The following GGA2 variants were observed in gnomAD, a reference collection of about 807,000 sequenced individuals.
The protein encoded by GGA2 is ADP-ribosylation factor-binding protein GGA2.
GGA2 carries 48 observed loss-of-function variants against 79.5 expected under a neutral mutation model. The ratio of observed to expected loss-of-function variants is 0.60; its 90% confidence interval spans 0.48 to 0.77. GGA2 has a LOEUF of 0.77. Ranked by LOEUF, GGA2 falls within the 30% of genes least tolerant of loss-of-function variation. GGA2 has a pLI of 0.00. For missense variants in GGA2, 770 were observed against 774.0 expected, an observed-to-expected ratio of 0.99 and a Z score of 0.06; for synonymous variants, 317 against 302.0, an observed-to-expected ratio of 1.05 and a Z score of -0.51.
At chr16:23,487,670 A>G (rs1197526197) in intron 6 of GGA2, among the ~76,000 whole-genome samples, 1 of 152,170 alleles carries the variant, frequency 6.6e-6, no homozygotes, top group African/African-American at 2.4e-5. Flanking sequence ...CTCAGAAGTC[A>G]CACCATACCT....
rs962282997 is a variant in GGA2, at chr16:23,483,499, CAG to C, written c.799-497_799-496del. Among the ~76,000 whole-genome samples the C allele has an allele frequency of 4.4e-4, 67 of 152,136 alleles. 1 individual carries two copies. The highest frequency in any genetic ancestry group is 3.9e-4 in the Admixed American group (6 of 15,268). ...CGTGGAGGCTGGCTCTCCTCCTGTG[CAG>C]AGAGACATAAAAAACTGGAATGCAG... On this transcript the variant is annotated intron_variant, in intron 8 of 16. Coordinates refer to ENST00000309859, the MANE Select transcript of GGA2 (RefSeq NM_015044.4).
At chr16:23,518,819 C>T (rs1965118108) in intron 2 of GGA2, among the ~76,000 whole-genome samples, 1 of 152,176 alleles carries the variant, frequency 6.6e-6, no homozygotes, top group Non-Finnish European at 1.5e-5. Context: ...GATCTTGACC[C>T]TTACTATGTA....
rs1964424047 is a variant in GGA2 at position 23,465,471 on chromosome 16, C to T, written c.*2119G>A. 1 of 700,810 alleles carries T rather than the reference C, an allele frequency of 1.4e-6. No homozygotes were observed. 43.4% of individuals were successfully genotyped at this position (700,810 alleles called of 1,614,324 possible). ...TAGTACCACTGGGAGTCTGTCTCCT[C>T]AAAAGCAAGAATGTTCAGGTACACA... On this transcript the variant is annotated 3_prime_UTR_variant, in exon 17 of 17. Transcript: ENST00000309859.
intron 1 of GGA2, chr16:23,501,524 A>C: frequency 2.8e-6 from 1 of 353,202 alleles, no homozygotes; most frequent in South Asian, 2.2e-5. Flanking sequence ...TTTTCTATTT[A>C]GTTTTCCTCA....
At chr16:23,483,057 C>T (rs921810368) in intron 8 of GGA2, 53 bp from the exon 9 acceptor site, 1 of 1,163,142 alleles carries the variant, frequency 8.6e-7, no homozygotes, top group Admixed American at 1.7e-5. Flanking sequence ...CCATAACGCC[C>T]CCCTCCAGGG....
At position 23,478,482 on chromosome 16, in the gene GGA2, C is replaced by T. The variant is rs751719704; in HGVS notation, c.1178G>A (p.Cys393Tyr). The T allele has an allele frequency of 6.2e-7, 1 of 1,608,662 alleles. No individual in the cohort carries two copies. Among genetic ancestry groups the T allele is most frequent in the Non-Finnish European group, 8.5e-7 (1 of 1,176,268 alleles). The change falls in exon 13 of 17, where the codon TGT becomes TAT. Residue 393 changes from cysteine (C) to tyrosine (Y), a missense_variant. By Grantham distance (194) the Cys-to-Tyr change is radical. Coordinates refer to ENST00000309859, the MANE Select transcript of GGA2 (RefSeq NM_015044.4). ...GGAGGAGGGATTCCTCTTTTCCTCA[C>T]AGCAATTCTGACCAGAAACCTGTCA... is the stretch of plus-strand genomic sequence containing the variant. ...VTGMVSGQNC[C>Y]EEKRNPSSST...
chr16:23,511,588 C>G (rs1374470037), upstream of GGA2, among the ~76,000 whole-genome samples: 1 of 151,852 alleles, frequency 6.6e-6, no homozygotes, highest in African/African-American at 2.4e-5. Context: ...ACCTCCACCT[C>G]CCTGGTTTCC....
chr16:23,503,999 T>C (rs1299971349), intron 1 of GGA2, among the ~76,000 whole-genome samples: 2 of 151,740 alleles, frequency 1.3e-5, no homozygotes, highest in South Asian at 2.1e-4. Flanking sequence ...GAGAATTGCT[T>C]GAACCCGGGA....
chr16:23,521,318 T>C (rs1965140283), intron 1 of GGA2, among the ~76,000 whole-genome samples: 1 of 152,114 alleles, frequency 6.6e-6, no homozygotes, highest in African/African-American at 2.4e-5. Flanking sequence ...ACCATCTTAT[T>C]TTCTGCCTGT....
At chr16:23,492,982 G>A (rs1964808228) in intron 4 of GGA2, among the ~76,000 whole-genome samples, 2 of 152,196 alleles carry the variant, frequency 1.3e-5, no homozygotes, top group South Asian at 4.1e-4. Context: ...CCTGAGACTG[G>A]CTGAGCTAAG....
intron 14 of GGA2, among the ~76,000 whole-genome samples, chr16:23,472,270 T>C (rs1189906039): frequency 7.2e-6 from 1 of 138,602 alleles, no homozygotes; most frequent in African/African-American, 2.7e-5. Context: ...CTCAGCTCAC[T>C]GCAACCTCCG....
chr16:23,479,647 T>G, intron 11 of GGA2, 118 bp downstream of exon 11: 1 of 1,182,994 alleles, frequency 8.5e-7, no homozygotes. Context: ...AGCTCACTCT[T>G]CCTATTCACA....
rs1567360787 is a variant in GGA2 at position 23,478,456 on chromosome 16, T to C, written c.1204A>G (p.Ser402Gly). The C allele has an allele frequency of 1.2e-6, 2 of 1,611,486 alleles. No homozygotes were observed. Among genetic ancestry groups the C allele is most frequent in the Non-Finnish European group, 1.7e-6 (2 of 1,178,252 alleles). The change falls in exon 13 of 17, where the codon AGC becomes GGC. Residue 402 changes from serine to glycine, a missense_variant. By Grantham distance (56) the Ser-to-Gly change is moderately conservative. Transcript: ENST00000309859. ...CCEEKRNPSS[S>G]TLPGGGVQNP... Reference sequence around the variant, plus strand: ...TGAACACCACCGCCTGGCAGCGTGCTGGAGGAGGGATTCCTCTTTTCCTCA... The same window carrying C: ...TGAACACCACCGCCTGGCAGCGTGCCGGAGGAGGGATTCCTCTTTTCCTCA...
chr16:23,490,602 G>A (rs1964770303), intron 5 of GGA2, among the ~76,000 whole-genome samples: 1 of 152,050 alleles, frequency 6.6e-6, no homozygotes, highest in East Asian at 1.9e-4. Context: ...AGGCATGGTG[G>A]CAGGTGCCTG....
At chr16:23,523,764 T>A (rs1262682387), upstream of GGA2, 2 of 152,360 alleles carry the variant, frequency 1.3e-5, no homozygotes, top group Non-Finnish European at 2.9e-5. Context: ...TTAACTTAAA[T>A]GAGGCTGGTT....
chr16:23,512,891 G>C (rs1242439067), upstream of GGA2, among the ~76,000 whole-genome samples: 3 of 151,790 alleles, frequency 2.0e-5, no homozygotes, highest in Non-Finnish European at 4.4e-5. Context: ...CTTTAGTAGA[G>C]ACAGCGTTTC....
At position 23,495,744 on chromosome 16, in the gene GGA2, A is replaced by G; in HGVS notation, c.126T>C (p.Asp42=). The G allele has an allele frequency of 6.2e-7, 1 of 1,612,858 alleles. No homozygotes were observed. The highest frequency in any genetic ancestry group is 8.5e-7 in the Non-Finnish European group (1 of 1,178,868). The part of the protein sequence containing the change: ...KATDPSMSEQ[D]WSAIQNFCEQ... Reference sequence around the variant, plus strand: ...CACAGAAATTCTGGATAGCTGACCAATCCTGTTCCGACATGCTTGGGTCTG... The same window carrying G: ...CACAGAAATTCTGGATAGCTGACCAGTCCTGTTCCGACATGCTTGGGTCTG... The change falls in exon 2 of 17, where the codon GAT becomes GAC. Residue 42 remains aspartate, a synonymous_variant. Coordinates refer to ENST00000309859, the MANE Select transcript of GGA2 (RefSeq NM_015044.4).
At chr16:23,521,186 C>T (rs1385450125) in intron 1 of GGA2, among the ~76,000 whole-genome samples, 63 of 152,078 alleles carry the variant, frequency 4.1e-4, no homozygotes, top group Admixed American at 4.0e-3. Flanking sequence ...AGCGGCATTA[C>T]GTATCTTTAT....
intron 8 of GGA2, 24 bp downstream of exon 8, chr16:23,485,991 C>G (rs1004124166): frequency 1.9e-6 from 3 of 1,606,726 alleles, no homozygotes; most frequent in African/African-American, 1.3e-5. Context: ...ACATGTGCAG[C>G]CCCCTGTGTT....
Sources: gnomAD v4.1 joint callset for allele counts (sites outside exome capture counted in the v4.1 genomes callset) on GRCh38, gnomAD v4.1.1 for gene constraint, MANE v1.5 for transcripts, NCBI Gene and HGNC (gene_info 2026-07-23, HGNC 2026-07-21) for gene names.